Variants in ADGRV1 observed in about 807,000 individuals in gnomAD.
The protein encoded by ADGRV1 is G-protein coupled receptor 98.
A neutral mutation model predicts 596.2 loss-of-function variants in ADGRV1; 359 were observed. That is an observed-to-expected ratio of 0.60 (90% confidence interval 0.55 to 0.66). ADGRV1 has a LOEUF of 0.66. Ranked by LOEUF, ADGRV1 falls within the 30% of genes least tolerant of loss-of-function variation. The pLI is 0.00. For missense variants in ADGRV1, 7,274 were observed against 7,575.6 expected (o/e 0.96, Z 1.48); for synonymous variants, 2,681 against 2,679.2 (o/e 1.00, Z -0.02).
chr5:90,785,978 G>A (rs113399716), intron 67 of ADGRV1, among the ~76,000 whole-genome samples: 4,544 of 152,246 alleles, frequency 0.03, 85 homozygotes, highest in Middle Eastern at 0.088. Context: ...ACTGTTGACA[G>A]TAGCAAAAAC....
chr5:90,724,748 T>G, intron 45 of ADGRV1, 84 bp from the exon 46 acceptor site: 3 of 1,231,282 alleles, frequency 2.4e-6, no homozygotes, highest in South Asian at 2.6e-5. Context: ...CAAATGCACT[T>G]GTCTCATTGT....
intron 83 of ADGRV1, among the ~76,000 whole-genome samples, chr5:90,866,298 T>A (rs1768086122): frequency 7.9e-6 from 1 of 127,254 alleles, no homozygotes; most frequent in African/African-American, 2.8e-5. Context: ...TAACTATAAT[T>A]TATTGTGTAT....
chr5:90,575,020 TA>T (rs752802635), intron 1 of ADGRV1, among the ~76,000 whole-genome samples: 1 of 152,246 alleles, frequency 6.6e-6, no homozygotes, highest in South Asian at 2.1e-4. Context: ...CAATTTTATT[TA>T]TTTTTTTTCA....
chr5:91,011,369 T>C (rs1021226233), intron 85 of ADGRV1, among the ~76,000 whole-genome samples: 2 of 151,966 alleles, frequency 1.3e-5, no homozygotes, highest in Non-Finnish European at 2.9e-5. Context: ...TTTCTGATGT[T>C]TTGGATTTGT....
At chr5:90,677,365 T>C (rs116326007) in intron 25 of ADGRV1, among the ~76,000 whole-genome samples, 174 of 152,300 alleles carry the variant, frequency 1.1e-3, no homozygotes, top group African/African-American at 4.0e-3. Flanking sequence ...AGTGCTGAGC[T>C]TGGTTGAATG....
chr5:90,792,684 T>C (rs1581139629), intron 70 of ADGRV1: 2 of 152,360 alleles, frequency 1.3e-5, no homozygotes, highest in East Asian at 3.9e-4. Context: ...GATCAGCTAC[T>C]TTGAAATTAA....
chr5:90,853,321 A>T lies in ADGRV1; in HGVS notation c.17242A>T (p.Ile5748Leu). ...TILDSCPYLS[I>L]LALHWYPQQI... ...CCTTGATAGTTGCCCATATTTGTCA[A>T]TATTGGCTCTTCACTGGTATCCTCA... The change falls in exon 80 of 90, where the codon ATA (isoleucine) becomes TTA (leucine). Residue 5748 changes from isoleucine (I) to leucine (L), a missense_variant. Physicochemically the swap from Ile to Leu is conservative, Grantham distance 5. Transcript: ENST00000405460. The T allele has an allele frequency of 1.9e-6, 3 of 1,612,528 alleles. No homozygotes were observed. Among genetic ancestry groups the T allele is most frequent in the Non-Finnish European group, 2.5e-6 (3 of 1,178,958 alleles).
At chr5:90,928,868 C>T (rs972241843) in intron 83 of ADGRV1, among the ~76,000 whole-genome samples, 9 of 148,016 alleles carry the variant, frequency 6.1e-5, no homozygotes, top group Non-Finnish European at 9.0e-5. Context: ...CCCTCAGCTG[C>T]AGGTCTGTTG....
At chr5:91,121,606 G>T (rs545202873) in intron 87 of ADGRV1, among the ~76,000 whole-genome samples, 1 of 152,090 alleles carries the variant, frequency 6.6e-6, no homozygotes, top group Non-Finnish European at 1.5e-5. Flanking sequence ...TTCGAGCTGC[G>T]GTTCAGAACC....
intron 83 of ADGRV1, among the ~76,000 whole-genome samples, chr5:90,921,418 C>T (rs992862842): frequency 1.3e-5 from 2 of 152,130 alleles, no homozygotes; most frequent in African/African-American, 2.4e-5. Flanking sequence ...TTCCCTGCCG[C>T]ATCTGGCTTC....
intron 87 of ADGRV1, among the ~76,000 whole-genome samples, chr5:91,137,158 T>G (rs75624522): frequency 1.3e-5 from 2 of 152,152 alleles, no homozygotes; most frequent in Non-Finnish European, 2.9e-5. Context: ...TCTTTTTTTT[T>G]CACTGTGACC....
At chr5:91,067,482 C>G (rs1056957503) in intron 85 of ADGRV1, among the ~76,000 whole-genome samples, 3 of 152,100 alleles carry the variant, frequency 2.0e-5, no homozygotes, top group African/African-American at 7.2e-5. Context: ...TTAGAGAGTT[C>G]CCTTCTCTTC....
intron 85 of ADGRV1, among the ~76,000 whole-genome samples, chr5:91,038,582 C>T (rs778117349): frequency 2.0e-5 from 3 of 152,142 alleles, no homozygotes; most frequent in Non-Finnish European, 4.4e-5. Context: ...AAAAGAAGGT[C>T]GTGGATGATT....
In ADGRV1 at chr5:90,644,849, A is replaced by ATTTACTCCC; in HGVS notation, c.2881_2889dup (p.Tyr961_Leu963dup). 1.2e-6 allele frequency: 2 copies of ATTTACTCCC among 1,603,816 alleles called. No homozygotes were observed. Among genetic ancestry groups the ATTTACTCCC allele is most frequent in the Non-Finnish European group, 1.7e-6 (2 of 1,176,186 alleles). ...TCAGGAATTTTCAAAAAATATCACC[A>ATTTACTCCC]TTTACTCCCTTCCAGATGAGGTAAA... On this transcript the variant is annotated inframe_insertion, in exon 15 of 90. Transcript: ENST00000405460.
intron 73 of ADGRV1, among the ~76,000 whole-genome samples, chr5:90,809,451 A>G (rs544906967): frequency 4.2e-4 from 64 of 152,154 alleles, no homozygotes; most frequent in Non-Finnish European, 8.5e-4. Context: ...CAGTTAATAT[A>G]TGTTGGGGCC....
intron 42 of ADGRV1, among the ~76,000 whole-genome samples, chr5:90,713,298 T>C (rs2149727149): frequency 6.6e-6 from 1 of 152,096 alleles, no homozygotes; most frequent in African/African-American, 2.4e-5. Flanking sequence ...CTTTTCTTGC[T>C]ATTTTGATAA....
chr5:90,741,089 T>C (rs983461332), intron 50 of ADGRV1, among the ~76,000 whole-genome samples: 6 of 152,166 alleles, frequency 3.9e-5, no homozygotes, highest in African/African-American at 1.4e-4. Context: ...TATTTACCTC[T>C]CACTTTTTAT....
intron 67 of ADGRV1, 73 bp downstream of exon 67, chr5:90,784,130 C>G: frequency 1.1e-6 from 1 of 931,806 alleles, no homozygotes. Flanking sequence ...TTTCTCATTG[C>G]CCAAGTATAT....
At chr5:90,983,250 A>C (rs1780225459) in intron 84 of ADGRV1, among the ~76,000 whole-genome samples, 1 of 152,240 alleles carries the variant, frequency 6.6e-6, no homozygotes, top group African/African-American at 2.4e-5. Context: ...GCATGTATAA[A>C]TCTAACAATT....
Sources: allele counts gnomAD v4.1 joint callset (sites outside exome capture counted in the v4.1 genomes callset), GRCh38; gene constraint gnomAD v4.1.1; transcripts MANE v1.5; gene names NCBI Gene and HGNC (gene_info 2026-07-23, HGNC 2026-07-21).